ZFAT: variants seen among roughly 807,000 people sequenced by gnomAD.
ZFAT encodes the protein zinc finger protein ZFAT.
In ZFAT, 64 loss-of-function variants were observed where a neutral mutation model predicts 117.7. The ratio of observed to expected loss-of-function variants is 0.54; its 90% CI spans 0.44 to 0.67. The LOEUF (loss-of-function observed/expected upper bound fraction) is 0.67, where lower values mean the gene tolerates loss of function less well. ZFAT is among the 30% of genes least tolerant of loss of function. ZFAT has a pLI of 0.00. For missense variants in ZFAT, 1,433 were observed against 1,584.5 expected (o/e 0.90, Z 1.62); for synonymous variants, 679 against 615.0 (o/e 1.10, Z -1.54).
At chr8:134,610,762 G>T in intron 3 of ZFAT, 107 bp from the exon 4 acceptor site, 2 of 1,321,414 alleles carry the variant, frequency 1.5e-6, no homozygotes, top group Non-Finnish European at 1.0e-6. Flanking sequence ...ACAGCTCTTT[G>T]GTCTGCAGTG....
intron 2 of ZFAT, among the ~76,000 whole-genome samples, chr8:134,641,382 T>G (rs932732093): frequency 6.6e-6 from 1 of 152,190 alleles, no homozygotes; most frequent in Non-Finnish European, 1.5e-5. Context: ...TCTCCCAAGC[T>G]GTGACCACCT....
At chr8:134,580,007 C>G (rs796297070) in intron 10 of ZFAT, among the ~76,000 whole-genome samples, 1 of 151,570 alleles carries the variant, frequency 6.6e-6, no homozygotes, top group Non-Finnish European at 1.5e-5. Context: ...CTGTGGCCTC[C>G]GAGAGGTAAT....
At chr8:134,729,125 C>T in the ZFAT span, among the ~76,000 whole-genome samples, 4 of 152,180 alleles carry the variant, frequency 2.6e-5, no homozygotes, top group African/African-American at 7.2e-5. Context: ...TTGTAAAGAA[C>T]GCTGGCCTGT....
chr8:134,512,455 G>A lies in ZFAT; in HGVS notation c.3361+20C>T, dbSNP rs1477562490. The A allele has an allele frequency of 6.2e-7, 1 of 1,611,530 alleles. No homozygotes were observed. Reference sequence around the variant, plus strand: ...GGAAAGACAGTTCTGAGATGGCAAAGGAAGACCAGGCGTCCTCACCACTCT... The same window carrying A: ...GGAAAGACAGTTCTGAGATGGCAAAAGAAGACCAGGCGTCCTCACCACTCT... On this transcript the variant is annotated intron_variant, in intron 14 of 15. Coordinates refer to ENST00000377838, the MANE Select transcript of ZFAT (RefSeq NM_020863.4).
upstream of ZFAT, among the ~76,000 whole-genome samples, chr8:134,716,207 GCACA>G (rs1230240893): frequency 2.6e-5 from 4 of 151,144 alleles, no homozygotes; most frequent in Non-Finnish European, 4.4e-5. Flanking sequence ...GCATATGTAT[GCACA>G]CACACATATA....
At chr8:134,644,884 C>G (rs939833928) in intron 2 of ZFAT, among the ~76,000 whole-genome samples, 2 of 152,128 alleles carry the variant, frequency 1.3e-5, no homozygotes, top group African/African-American at 4.8e-5. Flanking sequence ...CGTGCACACT[C>G]AAACGTGCCT....
the ZFAT span, among the ~76,000 whole-genome samples, chr8:134,730,227 T>A: frequency 6.6e-6 from 1 of 152,224 alleles, no homozygotes; most frequent in African/African-American, 2.4e-5. Context: ...CCGGGCCCAA[T>A]GCCCCCAGTG....
In ZFAT at chr8:134,610,650, C is replaced by T. The variant is rs545544184; in HGVS notation, c.454G>A (p.Glu152Lys). 7.6e-5 allele frequency: 123 copies of T among 1,613,822 alleles called. 1 individual carries two copies. Among genetic ancestry groups the T allele is most frequent in the South Asian group, 7.6e-4 (69 of 91,018 alleles). ...LGEEEGEAGNESDLELEKKCK... is the reference protein window; with the variant it reads ...LGEEEGEAGNKSDLELEKKCK... ...TTCTTTTCTAGTTCAAGGTCAGACT[C>T]GTTACCTAAGGAGCAAATACCAAGA... The change falls in exon 4 of 16, where the codon GAG (glutamate) becomes AAG (lysine). Residue 152 changes from glutamate (E) to lysine (K), a missense_variant. Coordinates refer to ENST00000377838, the MANE Select transcript of ZFAT (RefSeq NM_020863.4).
At chr8:134,485,931 C>T (rs1433327656) in intron 15 of ZFAT, among the ~76,000 whole-genome samples, 1 of 152,228 alleles carries the variant, frequency 6.6e-6, no homozygotes, top group Non-Finnish European at 1.5e-5. Flanking sequence ...TGCGAAGAAC[C>T]TCCTGGTGCC....
chr8:134,623,010 C>T (rs943579798), intron 3 of ZFAT, among the ~76,000 whole-genome samples: 2 of 152,152 alleles, frequency 1.3e-5, no homozygotes, highest in African/African-American at 4.8e-5. Context: ...TCTAGTCACA[C>T]ATTTGAGCAT....
chr8:134,610,423 G>A, intron 4 of ZFAT, 47 bp downstream of exon 4: 1 of 1,567,840 alleles, frequency 6.4e-7, no homozygotes, highest in Non-Finnish European at 8.6e-7. Flanking sequence ...CCTTGGCACA[G>A]ACTTGCCAAG....
At chr8:134,737,206 G>A in the ZFAT span, among the ~76,000 whole-genome samples, 3 of 151,968 alleles carry the variant, frequency 2.0e-5, no homozygotes. Flanking sequence ...CTTGAACCTG[G>A]GAGACAGATG....
intron 11 of ZFAT, among the ~76,000 whole-genome samples, chr8:134,557,710 C>T (rs368535954): frequency 6.6e-6 from 1 of 152,054 alleles, no homozygotes; most frequent in Non-Finnish European, 1.5e-5. Context: ...ATAACTTATA[C>T]AACACATAGA....
the ZFAT span, among the ~76,000 whole-genome samples, chr8:134,770,738 C>T: frequency 0.33 from 49,785 of 152,130 alleles, 8,401 homozygotes; most frequent in Admixed American, 0.43. Context: ...AGAAGTATCA[C>T]TGAATTCTTT....
the ZFAT span, among the ~76,000 whole-genome samples, chr8:134,822,961 A>G: frequency 5.3e-5 from 8 of 152,162 alleles, no homozygotes; most frequent in South Asian, 4.1e-4. Context: ...AATGTGGGGG[A>G]AAAAAAGGGG....
At chr8:134,736,602 C>G in the ZFAT span, among the ~76,000 whole-genome samples, 41 of 152,232 alleles carry the variant, frequency 2.7e-4, no homozygotes, top group East Asian at 6.4e-3. Flanking sequence ...CTCTCTCCCT[C>G]TCTCTCTACT....
the ZFAT span, among the ~76,000 whole-genome samples, chr8:134,827,452 T>C: frequency 6.6e-6 from 1 of 152,180 alleles, no homozygotes; most frequent in Non-Finnish European, 1.5e-5. Flanking sequence ...TACATATTAT[T>C]AGATAATATT....
intron 1 of ZFAT, among the ~76,000 whole-genome samples, chr8:134,677,042 G>A (rs1045767282): frequency 6.6e-6 from 1 of 150,918 alleles, no homozygotes; most frequent in African/African-American, 2.4e-5. Context: ...AAGAACTAGA[G>A]AAGAGCAAAC....
chr8:134,625,813 G>A (rs924925008), intron 3 of ZFAT, among the ~76,000 whole-genome samples: 13 of 140,058 alleles, frequency 9.3e-5, no homozygotes, highest in South Asian at 6.4e-4. Context: ...TGAGCCACGT[G>A]TTCAGTACTT....
Sources: allele counts gnomAD v4.1 joint callset (sites outside exome capture counted in the v4.1 genomes callset), GRCh38; gene constraint gnomAD v4.1.1; transcripts MANE v1.5; gene names NCBI Gene and HGNC (gene_info 2026-07-23, HGNC 2026-07-21).